TENM4: variants seen among roughly 807,000 people sequenced by gnomAD.
TENM4 encodes teneurin transmembrane protein 4, also known as teneurin-4.
Under a neutral mutation model 243.3 loss-of-function variants are expected in TENM4, and 82 were observed. The ratio of observed to expected loss-of-function variants is 0.34; its 90% CI spans 0.28 to 0.40. The LOEUF (loss-of-function observed/expected upper bound fraction) is 0.40. Among genes scored for constraint, TENM4 ranks in the 10% least tolerant of loss-of-function variants. The probability of loss-of-function intolerance (pLI) is 1.00; values close to 1 mark genes in which losing one functional copy is unlikely to be tolerated. For synonymous variants in TENM4, 1,412 were observed against 1,456.3 expected (o/e 0.97, Z 0.69); for missense variants, 3,138 against 3,673.3 (o/e 0.85, Z 3.77).
At chr11:79,017,076 C>G (rs1411175802) in intron 6 of TENM4, among the ~76,000 whole-genome samples, 3 of 152,168 alleles carry the variant, frequency 2.0e-5, no homozygotes, top group Admixed American at 2.0e-4. Flanking sequence ...CTATAATTAT[C>G]ATTAAGTGGG....
intron 3 of TENM4, among the ~76,000 whole-genome samples, chr11:79,165,437 C>A (rs7931785): frequency 6.6e-6 from 1 of 151,828 alleles, no homozygotes; most frequent in Non-Finnish European, 1.5e-5. Context: ...CCTTTATATA[C>A]CTTCTTTTGA....
intron 3 of TENM4, among the ~76,000 whole-genome samples, chr11:79,168,311 T>C (rs950791153): frequency 3.3e-5 from 5 of 152,128 alleles, no homozygotes; most frequent in Admixed American, 3.3e-4. Flanking sequence ...ACAATGTCAG[T>C]ACCTGGTGGT....
At chr11:79,169,639 C>T (rs544081945) in intron 3 of TENM4, among the ~76,000 whole-genome samples, 2 of 152,230 alleles carry the variant, frequency 1.3e-5, no homozygotes, top group African/African-American at 4.8e-5. Context: ...TGACCCCCTC[C>T]CCCCAAAAAA....
chr11:78,696,917 T>A (rs1858981832), intron 28 of TENM4, among the ~76,000 whole-genome samples: 2 of 152,080 alleles, frequency 1.3e-5, no homozygotes. Flanking sequence ...TTTTCCCCAG[T>A]GCCTAGGCAG....
intron 6 of TENM4, among the ~76,000 whole-genome samples, chr11:78,995,436 G>A (rs1858147787): frequency 6.6e-6 from 1 of 152,206 alleles, no homozygotes; most frequent in Non-Finnish European, 1.5e-5. Context: ...ACTCAAAAGG[G>A]GATTTATGGG....
intron 12 of TENM4, among the ~76,000 whole-genome samples, chr11:78,853,287 A>G (rs1348536050): frequency 6.6e-6 from 1 of 152,220 alleles, no homozygotes; most frequent in Non-Finnish European, 1.5e-5. Flanking sequence ...AACTCAGAAA[A>G]AAATGTTTTC....
chr11:78,732,121 G>A (rs1855682191), intron 21 of TENM4, among the ~76,000 whole-genome samples, 195 bp downstream of exon 21: 1 of 152,170 alleles, frequency 6.6e-6, no homozygotes, highest in African/African-American at 2.4e-5. Flanking sequence ...TTTTCCATGT[G>A]TAAGAGGGGT....
chr11:78,863,371 G>A (rs1858874433), intron 9 of TENM4, among the ~76,000 whole-genome samples: 1 of 152,218 alleles, frequency 6.6e-6, no homozygotes, highest in South Asian at 2.1e-4. Context: ...GGAGTAGGCA[G>A]GATCGGGGAG....
At chr11:78,709,153 T>A (rs1417227611) in intron 26 of TENM4, among the ~76,000 whole-genome samples, 1 of 149,384 alleles carries the variant, frequency 6.7e-6, no homozygotes, top group Non-Finnish European at 1.5e-5. Context: ...TTTTTTTTTT[T>A]AGTAGAGATG....
At chr11:78,880,488 A>AAAAAAGAG (rs1368857006) in intron 9 of TENM4, among the ~76,000 whole-genome samples, 1 of 113,000 alleles carries the variant, frequency 8.8e-6, no homozygotes, top group African/African-American at 3.5e-5. Flanking sequence ...AAAAAAAAAA[A>AAAAAAGAG]AGAAAGAAAA....
intron 6 of TENM4, among the ~76,000 whole-genome samples, chr11:78,923,895 C>T (rs1856500231): frequency 6.7e-6 from 1 of 150,198 alleles, no homozygotes; most frequent in Non-Finnish European, 1.5e-5. Context: ...TACTCTGTTG[C>T]CCAGGCTGGA....
chr11:79,322,854 T>C (rs781420220), intron 1 of TENM4, among the ~76,000 whole-genome samples: 10 of 152,228 alleles, frequency 6.6e-5, no homozygotes, highest in Non-Finnish European at 1.2e-4. Flanking sequence ...TGAGAAGAGA[T>C]ACAATTTCTC....
chr11:79,418,920 C>T (rs1858874563), intron 1 of TENM4, among the ~76,000 whole-genome samples: 1 of 152,228 alleles, frequency 6.6e-6, no homozygotes, highest in Non-Finnish European at 1.5e-5. Context: ...ACTGAACTCC[C>T]ACATTCCCAA....
intron 10 of TENM4, among the ~76,000 whole-genome samples, chr11:78,860,834 T>C (rs1858802173): frequency 1.3e-5 from 2 of 152,244 alleles, no homozygotes; most frequent in South Asian, 2.1e-4. Flanking sequence ...AGATAATCCC[T>C]TTAAGCAAAA....
chr11:78,913,386 C>A lies in TENM4; in HGVS notation c.494-9863G>T, dbSNP rs183738864. Among the ~76,000 whole-genome samples the A allele has an allele frequency of 9.2e-4, 140 of 152,294 alleles. 1 individual carries two copies. The highest frequency in any genetic ancestry group is 3.2e-3 in the African/African-American group (135 of 41,562). ...TGCAGCCGGAGGGGTGGGATCTTTT[C>A]TGGATACATGCTTTCCCCCAACTTA... On this transcript the variant is annotated intron_variant, in intron 6 of 33. Coordinates refer to ENST00000278550, the MANE Select transcript of TENM4 (RefSeq NM_001098816.3).
At chr11:79,435,875 A>G (rs1188825819) in intron 1 of TENM4, among the ~76,000 whole-genome samples, 3 of 152,238 alleles carry the variant, frequency 2.0e-5, no homozygotes, top group African/African-American at 7.2e-5. Flanking sequence ...CGGGTTATGT[A>G]ACATGTCAAT....
chr11:79,250,262 C>T (rs1217176205), intron 2 of TENM4, among the ~76,000 whole-genome samples: 1 of 152,258 alleles, frequency 6.6e-6, no homozygotes, highest in Non-Finnish European at 1.5e-5. Flanking sequence ...GCTGGGATTA[C>T]AGGCGTGAGC....
At chr11:78,942,101 G>A (rs1336989996) in intron 6 of TENM4, among the ~76,000 whole-genome samples, 1 of 136,962 alleles carries the variant, frequency 7.3e-6, no homozygotes, top group African/African-American at 2.9e-5. Flanking sequence ...AATGATAGCT[G>A]ATGAGCTAAA....
intron 1 of TENM4, among the ~76,000 whole-genome samples, chr11:79,368,689 T>G (rs984043217): frequency 1.4e-4 from 22 of 152,238 alleles, no homozygotes; most frequent in African/African-American, 4.1e-4. Context: ...CTGAAGAATG[T>G]GGATCATAAC....
Sources: allele counts gnomAD v4.1 joint callset (sites outside exome capture counted in the v4.1 genomes callset), GRCh38; gene constraint gnomAD v4.1.1; transcripts MANE v1.5; gene names NCBI Gene and HGNC (gene_info 2026-07-23, HGNC 2026-07-21).